Variants in NRG1 observed in about 807,000 individuals in gnomAD.
NRG1 encodes neuregulin 1.
A neutral mutation model predicts 63.8 loss-of-function variants in NRG1; 18 were observed. That is an observed-to-expected ratio of 0.28 (90% CI 0.19 to 0.42). The LOEUF (loss-of-function observed/expected upper bound fraction) is 0.42, where lower values mean the gene tolerates loss of function less well. Among genes scored for constraint, NRG1 ranks in the 10% least tolerant of loss-of-function variants. The probability of loss-of-function intolerance (pLI) is 1.00; values close to 1 mark genes in which losing one functional copy is unlikely to be tolerated. For synonymous variants in NRG1, 302 were observed against 301.3 expected, an observed-to-expected ratio of 1.00 and a Z score of -0.02; for missense variants, 762 against 814.7, an observed-to-expected ratio of 0.94 and a Z score of 0.79.
intron 1 of NRG1, among the ~76,000 whole-genome samples, chr8:32,174,007 G>T (rs1042313036): frequency 6.6e-6 from 1 of 151,826 alleles, no homozygotes; most frequent in East Asian, 1.9e-4. Context: ...ACATCTACAG[G>T]ACTCTCCACC....
intron 1 of NRG1, among the ~76,000 whole-genome samples, chr8:32,479,436 C>T (rs913764248): frequency 1.3e-5 from 2 of 151,952 alleles, no homozygotes; most frequent in Non-Finnish European, 2.9e-5. Flanking sequence ...GAGATCGTAC[C>T]ACTGCACTCT....
chr8:31,655,353 C>T (rs113832201), intron 1 of NRG1, among the ~76,000 whole-genome samples: 173 of 152,128 alleles, frequency 1.1e-3, no homozygotes, highest in African/African-American at 4.0e-3. Flanking sequence ...GTACAAGGTC[C>T]CAGCCAGGTG....
intron 5 of NRG1, among the ~76,000 whole-genome samples, chr8:32,702,792 C>G (rs1815300792): frequency 6.6e-6 from 1 of 152,096 alleles, no homozygotes; most frequent in Non-Finnish European, 1.5e-5. Context: ...TGAATTTTCA[C>G]TTGCAAAATT....
intron 1 of NRG1, among the ~76,000 whole-genome samples, chr8:32,579,499 C>T (rs17664708): frequency 0.1 from 15,176 of 152,096 alleles, 1,112 homozygotes; most frequent in Admixed American, 0.24. Context: ...CATGGTTTTC[C>T]ACCTCCATTC....
intron 1 of NRG1, among the ~76,000 whole-genome samples, chr8:32,354,985 A>C (rs1176289119): frequency 2.0e-5 from 3 of 151,900 alleles, no homozygotes; most frequent in Admixed American, 1.3e-4. Flanking sequence ...GACTAATCTA[A>C]ATTAACAATT....
chr8:31,815,882 T>C (rs1020993078), intron 1 of NRG1, among the ~76,000 whole-genome samples: 1 of 152,108 alleles, frequency 6.6e-6, no homozygotes, highest in African/African-American at 2.4e-5. Flanking sequence ...TATCTCATAA[T>C]TTTTATTTGT....
intron 1 of NRG1, among the ~76,000 whole-genome samples, chr8:32,171,037 C>T (rs763195538): frequency 1.6e-4 from 24 of 151,988 alleles, no homozygotes; most frequent in East Asian, 9.7e-4. Flanking sequence ...TGTCCATTAG[C>T]GGATTTTCTT....
chr8:32,328,803 A>G (rs1802303738), intron 1 of NRG1, among the ~76,000 whole-genome samples: 1 of 152,134 alleles, frequency 6.6e-6, no homozygotes, highest in Non-Finnish European at 1.5e-5. Flanking sequence ...AAAAGCATAA[A>G]TCATCTTGGA....
In NRG1 at chr8:32,314,678, G is replaced by T. The variant is rs185332931; in HGVS notation, c.38-281150G>T. Among the ~76,000 whole-genome samples, 9 of 152,270 alleles carry T rather than the reference G, an allele frequency of 5.9e-5. No homozygotes were observed. The East Asian group carries it at 1.7e-3, about 30-fold the overall frequency. On this transcript the variant is annotated intron_variant, in intron 1 of 10. Coordinates refer to the NRG1 transcript ENST00000519301. Reference sequence around the variant, plus strand: ...TTCATAATAGAAATGCTAAAAGTCTGAAAGACGAGGAAGGGAGCACATTTC... The same window carrying T: ...TTCATAATAGAAATGCTAAAAGTCTTAAAGACGAGGAAGGGAGCACATTTC...
At chr8:32,202,844 T>C (rs1843631772) in intron 1 of NRG1, among the ~76,000 whole-genome samples, 1 of 150,960 alleles carries the variant, frequency 6.6e-6, no homozygotes, top group Non-Finnish European at 1.5e-5. Flanking sequence ...TATTGGGGTT[T>C]ATATGGATGG....
At chr8:31,736,849 G>A (rs991014020) in intron 1 of NRG1, among the ~76,000 whole-genome samples, 4 of 152,026 alleles carry the variant, frequency 2.6e-5, no homozygotes, top group African/African-American at 4.8e-5. Flanking sequence ...ATGTATGTAC[G>A]TACACACACA....
In NRG1 at chr8:31,846,263, T is replaced by C. The variant is rs201449105; in HGVS notation, c.37+206832T>C. On this transcript the variant is annotated intron_variant, in intron 1 of 10. Transcript: ENST00000519301. Reference sequence around the variant, plus strand: ...AGTGAGAATAACTCGATGAGGATGCTGTTTGGATCTTGAGTACTGTAAGTC... The same window carrying C: ...AGTGAGAATAACTCGATGAGGATGCCGTTTGGATCTTGAGTACTGTAAGTC... 2.9e-4 allele frequency among the ~76,000 whole-genome samples: 44 copies of C among 152,348 alleles called. No homozygotes were observed. In the East Asian group the frequency reaches 6.4e-3, roughly 22 times the overall value.
At chr8:32,323,218 C>T (rs1435658998) in intron 1 of NRG1, among the ~76,000 whole-genome samples, 1 of 152,160 alleles carries the variant, frequency 6.6e-6, no homozygotes, top group Non-Finnish European at 1.5e-5. Flanking sequence ...CTCCCCTCAC[C>T]CTGCAATCCA....
At chr8:32,722,614 C>T (rs1028495518) in intron 5 of NRG1, among the ~76,000 whole-genome samples, 19 of 152,164 alleles carry the variant, frequency 1.2e-4, no homozygotes, top group Non-Finnish European at 2.4e-4. Flanking sequence ...GTTTATATTA[C>T]AGTCTACATG....
intron 3 of NRG1, among the ~76,000 whole-genome samples, chr8:32,609,977 T>C (rs1846086220): frequency 6.6e-6 from 1 of 151,886 alleles, no homozygotes; most frequent in African/African-American, 2.4e-5. Context: ...GGTCAAGAAT[T>C]TATTGTTTCA....
intron 1 of NRG1, among the ~76,000 whole-genome samples, chr8:31,978,466 C>A (rs1040249656): frequency 1.3e-5 from 2 of 152,020 alleles, no homozygotes; most frequent in South Asian, 2.1e-4. Flanking sequence ...TCTTTGGAAC[C>A]TTTATGCCAA....
At chr8:32,067,989 T>C (rs1689361998) in intron 1 of NRG1, among the ~76,000 whole-genome samples, 1 of 152,220 alleles carries the variant, frequency 6.6e-6, no homozygotes, top group Non-Finnish European at 1.5e-5. Context: ...GAACAGAACC[T>C]AACCTTCAAG....
At chr8:32,111,380 G>A (rs937296158) in intron 1 of NRG1, among the ~76,000 whole-genome samples, 2 of 152,156 alleles carry the variant, frequency 1.3e-5, no homozygotes, top group African/African-American at 2.4e-5. Context: ...GCCTCCCAAA[G>A]TGCTGGGATT....
At chr8:31,679,080 G>C (rs944142769) in intron 1 of NRG1, among the ~76,000 whole-genome samples, 1 of 151,814 alleles carries the variant, frequency 6.6e-6, no homozygotes, top group Non-Finnish European at 1.5e-5. Flanking sequence ...ATTTCCTTGC[G>C]ATACTTACTC....
Sources: allele counts gnomAD v4.1 joint callset (sites outside exome capture counted in the v4.1 genomes callset), GRCh38; gene constraint gnomAD v4.1.1; transcripts MANE v1.5; gene names NCBI Gene and HGNC (gene_info 2026-07-23, HGNC 2026-07-21).